Variants in OR51E2 observed in about 807,000 individuals in gnomAD.
OR51E2 encodes the protein olfactory receptor 51E2.
OR51E2 carries 14 observed loss-of-function variants against 13.7 expected under a neutral mutation model. That is an observed-to-expected ratio of 1.02 (90% CI 0.68 to 1.60). The LOEUF is 1.60. OR51E2 is among the 40% of genes most tolerant of loss of function. The pLI is 0.00. For synonymous variants in OR51E2, 180 were observed against 157.6 expected (o/e 1.14, Z -1.07); for missense variants, 483 against 413.8 (o/e 1.17, Z -1.45).
chr11:4,694,093 TAA>T (rs1847621981), intron 1 of OR51E2, among the ~76,000 whole-genome samples: 1 of 152,172 alleles, frequency 6.6e-6, no homozygotes, highest in South Asian at 2.1e-4. Flanking sequence ...TGTAACCACT[TAA>T]AAAAATTAAA....
In OR51E2 at chr11:4,682,301, A is replaced by G. The variant is rs774912514; in HGVS notation, c.411T>C (p.Asn137=). ...HPLRHAAVLN[N]TVTAQIGIVA... is the part of the protein sequence containing the mutation. ...CGATGCCAATCTGGGCTGTTACTGT[A>G]TTGTTGAGCACTGCAGCATGGCGCA... The change falls in exon 2 of 2, where the codon AAT becomes AAC. Residue 137 remains asparagine, a synonymous_variant. Transcript: ENST00000396950. 2 of 1,614,166 alleles carry G rather than the reference A, an allele frequency of 1.2e-6. No individual in the cohort carries two copies. The highest frequency in any genetic ancestry group is 8.5e-7 in the Non-Finnish European group (1 of 1,180,026).
chr11:4,683,827 G>A (rs1847484801), intron 1 of OR51E2, among the ~76,000 whole-genome samples: 1 of 152,222 alleles, frequency 6.6e-6, no homozygotes, highest in African/African-American at 2.4e-5. Flanking sequence ...CTGCTAGGTT[G>A]CCTAGGTGCC....
chr11:4,694,575 T>TACACAC (rs71050422), intron 1 of OR51E2, among the ~76,000 whole-genome samples: 77 of 147,954 alleles, frequency 5.2e-4, no homozygotes, highest in East Asian at 1.2e-3. Flanking sequence ...CATATATATA[T>TACACAC]ACACACACAC....
chr11:4,691,090 T>C, intron 1 of OR51E2: 1 of 456,730 alleles, frequency 2.2e-6, no homozygotes, highest in Admixed American at 2.3e-5. Context: ...GTAGAGAACA[T>C]GGCAGTCAGC....
intron 1 of OR51E2, among the ~76,000 whole-genome samples, chr11:4,683,807 A>G (rs1001527543): frequency 6.6e-6 from 1 of 152,182 alleles, no homozygotes; most frequent in African/African-American, 2.4e-5. Flanking sequence ...GACTTCATGA[A>G]ACTTCTTCTC....
chr11:4,693,605 C>T (rs1466089528), intron 1 of OR51E2, among the ~76,000 whole-genome samples: 1 of 152,064 alleles, frequency 6.6e-6, no homozygotes, highest in African/African-American at 2.4e-5. Context: ...CCTGTAGTTC[C>T]AGCTACTGGG....
At chr11:4,689,952 C>T (rs1234692980) in intron 1 of OR51E2, among the ~76,000 whole-genome samples, 1 of 148,264 alleles carries the variant, frequency 6.7e-6, no homozygotes, top group Non-Finnish European at 1.5e-5. Context: ...ATTGCCTGAA[C>T]TTCTCTCTAT....
At chr11:4,692,130 C>G (rs1221814171) in intron 1 of OR51E2, 1 of 450,300 alleles carries the variant, frequency 2.2e-6, no homozygotes. Flanking sequence ...GAAAAATACA[C>G]TGGGGCTGTG....
chr11:4,697,801 C>A lies in OR51E2; in HGVS notation c.-199G>T, dbSNP rs1359357645. 4 of 152,436 alleles carry A rather than the reference C, an allele frequency of 2.6e-5. No homozygotes were observed. The highest frequency in any genetic ancestry group is 9.7e-5 in the African/African-American group (4 of 41,440). The allele number at this position is 152,436 out of a possible 1,614,324, so 9.4% of individuals were successfully genotyped here. A position where few individuals can be genotyped will look rare whatever the true frequency, so the allele number is the denominator to read the frequency against. ...CAGGCACAGAGCTGAAAGGCCAATTCCTGGTGGTGGTGCTAACTCACTGTG... is the reference window on the plus strand; with the variant it reads ...CAGGCACAGAGCTGAAAGGCCAATTACTGGTGGTGGTGCTAACTCACTGTG... On this transcript the variant is annotated 5_prime_UTR_variant, in exon 1 of 2. Transcript: ENST00000396950.
At chr11:4,686,337 A>G (rs1847515362) in intron 1 of OR51E2, among the ~76,000 whole-genome samples, 1 of 152,226 alleles carries the variant, frequency 6.6e-6, no homozygotes, top group Admixed American at 6.5e-5. Context: ...CTATAGAAGA[A>G]TTACGAAGAG....
chr11:4,683,263 G>A (rs142378820), intron 1 of OR51E2, among the ~76,000 whole-genome samples: 1 of 152,226 alleles, frequency 6.6e-6, no homozygotes, highest in Non-Finnish European at 1.5e-5. Flanking sequence ...CTTGAAACAT[G>A]AGTAGAAATT....
In OR51E2 at chr11:4,681,672, A is replaced by C; in HGVS notation, c.*77T>G. On this transcript the variant is annotated 3_prime_UTR_variant, in exon 2 of 2. Coordinates refer to ENST00000396950, the MANE Select transcript of OR51E2 (RefSeq NM_030774.4). The stretch of plus-strand genomic sequence containing the variant: ...GAAAAGTACTGATGTGCTTATGGGC[A>C]ACTGGAAATAAGCTAGTGTTAGAAA... The C allele has an allele frequency of 3.2e-6, 5 of 1,539,170 alleles. No individual in the cohort carries two copies. The highest frequency in any genetic ancestry group is 4.4e-6 in the Non-Finnish European group (5 of 1,124,118).
rs1045299653 is a variant in OR51E2 at position 4,681,539 on chromosome 11, G to A, written c.*210C>T. 3.5e-6 allele frequency: 2 copies of A among 567,832 alleles called. No individual in the cohort carries two copies. Among genetic ancestry groups the A allele is most frequent in the African/African-American group, 1.9e-5 (1 of 53,674 alleles). The allele number at this position is 567,832 out of a possible 1,614,324, so 35.2% of individuals were successfully genotyped here. ...TTTTCTTAATGTTATAAGCATGTTT[G>A]GTTTTATTGTAGTCTTTAAATCATG... On this transcript the variant is annotated 3_prime_UTR_variant, in exon 2 of 2. Coordinates refer to ENST00000396950, the MANE Select transcript of OR51E2 (RefSeq NM_030774.4).
chr11:4,685,491 C>T (rs1048260342), intron 1 of OR51E2, among the ~76,000 whole-genome samples: 2 of 152,118 alleles, frequency 1.3e-5, no homozygotes, highest in Non-Finnish European at 2.9e-5. Flanking sequence ...TCTAAAAATA[C>T]AAAAGTATAG....
chr11:4,685,816 A>C (rs1299142080), intron 1 of OR51E2: 1 of 152,214 alleles, frequency 6.6e-6, no homozygotes, highest in Non-Finnish European at 1.5e-5. Flanking sequence ...TATCCTCAGT[A>C]CCTCATGATG....
chr11:4,690,180 C>T (rs533962242), intron 1 of OR51E2, among the ~76,000 whole-genome samples: 1 of 151,558 alleles, frequency 6.6e-6, no homozygotes, highest in Admixed American at 6.6e-5. Flanking sequence ...TCAGCAACAC[C>T]AGTTACTAGC....
chr11:4,682,582 C>G lies in OR51E2; in HGVS notation c.130G>C (p.Val44Leu). The change falls in exon 2 of 2, where the codon GTG becomes CTG. Residue 44 changes from valine (V) to leucine (L), a missense_variant. Coordinates refer to ENST00000396950, the MANE Select transcript of OR51E2 (RefSeq NM_030774.4). ...CGTTCCGTCCTTACGATGAAGACCA[C>G]GATGCAGTTTCCAAACATTGCCACT... is the stretch of plus-strand genomic sequence containing the variant. ...YVVAMFGNCI[V>L]VFIVRTERSL... 15 of 1,614,132 alleles carry G rather than the reference C, an allele frequency of 9.3e-6. No individual in the cohort carries two copies. Among genetic ancestry groups the G allele is most frequent in the Non-Finnish European group, 1.2e-5 (14 of 1,180,022 alleles).
At chr11:4,688,955 G>C (rs1187285172) in intron 1 of OR51E2, among the ~76,000 whole-genome samples, 2 of 152,134 alleles carry the variant, frequency 1.3e-5, no homozygotes, top group Non-Finnish European at 2.9e-5. Context: ...GGGGATATTA[G>C]TATATATTAG....
rs1249909900 is a variant in OR51E2 at position 4,682,119 on chromosome 11, C to T, written c.593G>A (p.Gly198Asp). The T allele has an allele frequency of 1.9e-6, 3 of 1,614,198 alleles. No homozygotes were observed. The highest frequency in any genetic ancestry group is 2.2e-5 in the South Asian group (2 of 91,080). The change falls in exon 2 of 2, where the codon GGT (glycine) becomes GAT (aspartate). Residue 198 changes from glycine to aspartate, a missense_variant. Transcript: ENST00000396950. The stretch of plus-strand genomic sequence containing the variant: ...CATGACCAGCAGAATGGCAGTAAGA[C>T]CATATACCACATTGGGCAAAGTGTC... ...YADTLPNVVY[G>D]LTAILLVMGV...
Sources: allele counts gnomAD v4.1 joint callset (sites outside exome capture counted in the v4.1 genomes callset), GRCh38; gene constraint gnomAD v4.1.1; transcripts MANE v1.5; gene names NCBI Gene and HGNC (gene_info 2026-07-23, HGNC 2026-07-21).